The following SLC19A1 variants were observed in gnomAD, a reference collection of about 807,000 sequenced individuals.
SLC19A1 encodes the protein reduced folate transporter.
Under a neutral mutation model 35.3 loss-of-function variants are expected in SLC19A1, and 37 were observed. The observed-to-expected ratio is 1.05, with a 90% CI of 0.81 to 1.38. The LOEUF is 1.38. Ranked by LOEUF, SLC19A1 falls within the 40% of genes most tolerant of loss-of-function variation. The pLI, the probability that SLC19A1 is intolerant of heterozygous loss-of-function variation, is 0.00. For missense variants in SLC19A1, 831 were observed against 826.9 expected (o/e 1.00, Z -0.06); for synonymous variants, 460 against 398.5 (o/e 1.15, Z -1.84).
downstream of SLC19A1, chr21:45,512,443 G>GA (rs1183076359): frequency 1.1e-5 from 18 of 1,581,324 alleles, no homozygotes; most frequent in Middle Eastern, 1.8e-4. Context: ...GCGGCTCGGA[G>GA]GAAGCCCCCA....
chr21:45,503,828 GCACCATTAA>G (rs1214614569), intron 3 of SLC19A1: 23 of 425,124 alleles, frequency 5.4e-5, no homozygotes, highest in Middle Eastern at 5.3e-4. Context: ...AAATAAAAAG[GCACCATTAA>G]CAAAAACATC....
chr21:45,503,501 T>C (rs1476977921), intron 3 of SLC19A1, among the ~76,000 whole-genome samples: 1 of 151,794 alleles, frequency 6.6e-6, no homozygotes, highest in South Asian at 2.1e-4. Flanking sequence ...ATGGATGAAA[T>C]TGGAAATCAT....
Position 45,534,439 on chromosome 21 carries a change from G to T in SLC19A1, c.190-2291C>A. ...GGCCGGGGCACAGGTTCTGCCCACA[G>T]CCCAGAGTCAAAATGGTAGACAGCC... On this transcript the variant is annotated intron_variant, in intron 2 of 5. Coordinates refer to ENST00000311124, the MANE Select transcript of SLC19A1 (RefSeq NM_194255.4). This position sits in a 1 kb window ranked among gnomAD's most constrained non-coding sequence, Gnocchi z 4.2. 3 of 988,420 alleles carry T rather than the reference G, an allele frequency of 3.0e-6. No homozygotes were observed. The highest frequency in any genetic ancestry group is 4.5e-6 in the Non-Finnish European group (3 of 660,048). The allele number at this position is 988,420 out of a possible 1,614,324, so 61.2% of individuals were successfully genotyped here. A position where few individuals can be genotyped will look rare whatever the true frequency, so the allele number is the denominator to read the frequency against.
At chr21:45,506,847 G>C in intron 3 of SLC19A1, 1 of 174,734 alleles carries the variant, frequency 5.7e-6, no homozygotes, top group Non-Finnish European at 1.2e-5. Flanking sequence ...CCCCTCCTAG[G>C]CCTGGCCAGC....
chr21:45,528,926 A>T (rs2077746316), intron 4 of SLC19A1, among the ~76,000 whole-genome samples: 1 of 152,174 alleles, frequency 6.6e-6, no homozygotes, highest in African/African-American at 2.4e-5. Context: ...ACCGTGTTGG[A>T]TTTTTTTGCG....
At chr21:45,525,301 C>G (rs1489266139) in intron 5 of SLC19A1, among the ~76,000 whole-genome samples, 2 of 152,256 alleles carry the variant, frequency 1.3e-5, no homozygotes, top group African/African-American at 4.8e-5. Context: ...CTGATTCCAG[C>G]TCACTCGGAG....
At chr21:45,502,735 G>C (rs2036931063) in intron 3 of SLC19A1, 1 of 152,246 alleles carries the variant, frequency 6.6e-6, no homozygotes, top group Non-Finnish European at 1.5e-5. Flanking sequence ...CCTTGGAGAG[G>C]GTGGAGGGAC....
chr21:45,524,913 C>T (rs1456200641), intron 5 of SLC19A1, among the ~76,000 whole-genome samples: 2 of 152,216 alleles, frequency 1.3e-5, no homozygotes, highest in African/African-American at 4.8e-5. Flanking sequence ...ACACCTGGGT[C>T]GGGGGTGTTG....
intron 1 of SLC19A1, among the ~76,000 whole-genome samples, chr21:45,556,892 C>T (rs2078567958): frequency 6.6e-6 from 1 of 150,998 alleles, no homozygotes; most frequent in Non-Finnish European, 1.5e-5. Context: ...TCTCCTGGGA[C>T]GGCGACTCAG....
chr21:45,541,261 G>A (rs891197657), intron 1 of SLC19A1, among the ~76,000 whole-genome samples: 3 of 152,246 alleles, frequency 2.0e-5, no homozygotes, highest in African/African-American at 7.2e-5. Context: ...GTGCACAGGT[G>A]GCACCCAGGC....
chr21:45,507,623 T>G (rs529368676), downstream of SLC19A1: 368 of 1,609,636 alleles, frequency 2.3e-4, 1 homozygote, highest in Non-Finnish European at 2.9e-4. Context: ...TTGAGACTGG[T>G]GGGTGGTCAG....
At chr21:45,542,058 G>T (rs1208208127) in intron 1 of SLC19A1, among the ~76,000 whole-genome samples, 1 of 139,080 alleles carries the variant, frequency 7.2e-6, no homozygotes, top group Non-Finnish European at 1.6e-5. Context: ...CCAGACCCCA[G>T]GCTGCAGACC....
Position 45,542,419 on chromosome 21 carries a change from A to G in SLC19A1, c.-101T>C, listed in dbSNP as rs2078341533. 6.6e-6 allele frequency: 1 copy of G among 151,268 alleles called. No individual in the cohort carries two copies. Among genetic ancestry groups the G allele is most frequent in the East Asian group, 2.0e-4 (1 of 5,086 alleles). 9.4% of individuals were successfully genotyped at this position (151,268 alleles called of 1,614,324 possible). A position where few individuals can be genotyped will look rare whatever the true frequency, so the allele number is the denominator to read the frequency against. Reference sequence around the variant, plus strand: ...GGGGCTCCCGGACCCGGCCCCGCGCACGCGGACTCCGGGACTACAGCGCCC... The same window carrying G: ...GGGGCTCCCGGACCCGGCCCCGCGCGCGCGGACTCCGGGACTACAGCGCCC... On this transcript the variant is annotated 5_prime_UTR_variant, in exon 1 of 6. Coordinates refer to ENST00000311124, the MANE Select transcript of SLC19A1 (RefSeq NM_194255.4).
chr21:45,505,978 G>C lies in SLC19A1; in HGVS notation c.498-7366C>G, dbSNP rs762062659. The stretch of plus-strand genomic sequence containing the variant: ...TCCGGAAGGTCCAGGTGAGCGCTCT[G>C]TGTGACGGGTTCTGGACCCGTGGAA... On this transcript the variant is annotated intron_variant, in intron 3 of 4. Coordinates refer to the SLC19A1 transcript ENST00000417954. The C allele has an allele frequency of 6.8e-6, 11 of 1,612,918 alleles. No individual in the cohort carries two copies. The highest frequency in any genetic ancestry group is 1.3e-5 in the African/African-American group (1 of 74,946).
chr21:45,543,823 A>G (rs2078379870), upstream of SLC19A1: 1 of 152,452 alleles, frequency 6.6e-6, no homozygotes, highest in Non-Finnish European at 1.5e-5. Flanking sequence ...TCTCCCCTGT[A>G]CTGGCCTTCT....
chr21:45,510,196 C>G (rs1225733574), downstream of SLC19A1: 1 of 1,601,280 alleles, frequency 6.2e-7, no homozygotes, highest in African/African-American at 1.3e-5. Flanking sequence ...GTCCTCGCGC[C>G]TGCAGGACCT....
intron 1 of SLC19A1, among the ~76,000 whole-genome samples, chr21:45,550,753 C>T (rs956969436): frequency 7.2e-5 from 11 of 152,298 alleles, no homozygotes; most frequent in Admixed American, 3.9e-4. Flanking sequence ...AATTTTCACA[C>T]GCAGTAGTGC....
intron 3 of SLC19A1, chr21:45,504,566 A>G: frequency 6.4e-7 from 1 of 1,565,980 alleles, no homozygotes; most frequent in Non-Finnish European, 8.6e-7. Context: ...AGTAAGTCCC[A>G]GCCTGTGCAG....
At chr21:45,539,546 C>T (rs2078238913) in intron 1 of SLC19A1, among the ~76,000 whole-genome samples, 1 of 152,158 alleles carries the variant, frequency 6.6e-6, no homozygotes, top group Non-Finnish European at 1.5e-5. Flanking sequence ...TCCAGGGACC[C>T]CTAGGAAAAT....
Sources: gnomAD v4.1 joint callset for allele counts (sites outside exome capture counted in the v4.1 genomes callset) on GRCh38, gnomAD v4.1.1 for gene constraint, Gnocchi (gnomAD v3.1) non-coding constraint, MANE v1.5 for transcripts, NCBI Gene and HGNC (gene_info 2026-07-23, HGNC 2026-07-21) for gene names.